Variants in DMD observed in about 807,000 individuals in gnomAD.
DMD encodes the protein dystrophin.
A neutral mutation model predicts 330.1 loss-of-function variants in DMD; 63 were observed. The ratio of observed to expected loss-of-function variants is 0.19; its 90% CI spans 0.16 to 0.24. DMD has a LOEUF of 0.24. Among genes scored for constraint, DMD ranks in the 10% least tolerant of loss-of-function variants. DMD has a pLI of 1.00. For synonymous variants in DMD, 1,223 were observed against 959.8 expected (o/e 1.27, Z -5.07); for missense variants, 3,344 against 2,684.1 (o/e 1.25, Z -5.43).
intron 1 of DMD, among the ~76,000 whole-genome samples, chrX:33,094,226 T>G (rs2095124240): frequency 8.9e-6 from 1 of 111,773 alleles, no homozygotes; most frequent in Non-Finnish European, 1.9e-5. Context: ...CTTCATTCAT[T>G]CAACAACACT....
At chrX:31,762,547 G>A (rs753507210) in intron 51 of DMD, among the ~76,000 whole-genome samples, 2 of 111,427 alleles carry the variant, frequency 1.8e-5, no homozygotes, top group African/African-American at 3.3e-5. Context: ...CCAGCCTGGC[G>A]ACAGAGACTC....
chrX:31,752,080 C>T (rs896702534), intron 51 of DMD, among the ~76,000 whole-genome samples: 1 of 111,758 alleles, frequency 8.9e-6, no homozygotes, highest in East Asian at 2.8e-4. Flanking sequence ...CTCCTTCTCT[C>T]TTAGGAGGAC....
At chrX:32,483,883 T>C (rs768163771) in intron 21 of DMD, among the ~76,000 whole-genome samples, 5 of 108,040 alleles carry the variant, frequency 4.6e-5, no homozygotes, top group Non-Finnish European at 9.6e-5. Flanking sequence ...TTCATTTTTG[T>C]AAAAAATGAA....
intron 43 of DMD, among the ~76,000 whole-genome samples, chrX:32,256,967 T>G (rs1176227046): frequency 9.0e-6 from 1 of 111,051 alleles, no homozygotes; most frequent in Non-Finnish European, 1.9e-5. Context: ...TTCAGCCAAG[T>G]CTCAGAATAC....
At chrX:32,523,224 G>T (rs998183582) in intron 17 of DMD, among the ~76,000 whole-genome samples, 5 of 110,924 alleles carry the variant, frequency 4.5e-5, no homozygotes, top group Admixed American at 2.9e-4. Context: ...ACACTGGAAG[G>T]CCTCAAAAGC....
At chrX:33,118,562 G>A (rs5928180) in intron 1 of DMD, among the ~76,000 whole-genome samples, 46,671 of 110,811 alleles carry the variant, frequency 0.42, 8,021 homozygotes, top group Non-Finnish European at 0.53. Context: ...GAAAAGAAAC[G>A]TTCATCTGAA....
intron 2 of DMD, among the ~76,000 whole-genome samples, chrX:32,857,362 C>T (rs934040882): frequency 8.9e-6 from 1 of 111,904 alleles, no homozygotes; most frequent in African/African-American, 3.2e-5. Context: ...ATAGTGCTGC[C>T]AAGAACTTCA....
At chrX:32,794,745 G>C (rs1192892273) in intron 7 of DMD, among the ~76,000 whole-genome samples, 1 of 112,205 alleles carries the variant, frequency 8.9e-6, no homozygotes, top group Non-Finnish European at 1.9e-5. Context: ...ACTGCTCTTT[G>C]TTAATAACTT....
chrX:32,821,475 C>G (rs974267705), intron 5 of DMD, among the ~76,000 whole-genome samples: 13 of 108,870 alleles, frequency 1.2e-4, no homozygotes, highest in Non-Finnish European at 2.5e-4. Context: ...GTAGTCCCAG[C>G]TACTCGGGAG....
chrX:31,625,162 T>C (rs2078771011), intron 55 of DMD, among the ~76,000 whole-genome samples: 1 of 112,268 alleles, frequency 8.9e-6, no homozygotes, highest in African/African-American at 3.2e-5. Flanking sequence ...AGTTTAAACC[T>C]TGGGCAAGTG....
intron 44 of DMD, among the ~76,000 whole-genome samples, chrX:32,038,001 G>A (rs369436522): frequency 7.4e-4 from 83 of 111,554 alleles, no homozygotes; most frequent in African/African-American, 2.6e-3. Context: ...AGAACTGACC[G>A]GACTGTGGCA....
intron 2 of DMD, among the ~76,000 whole-genome samples, chrX:32,857,031 C>T (rs1330287573): frequency 9.3e-6 from 1 of 107,514 alleles, no homozygotes; most frequent in African/African-American, 3.4e-5. Context: ...GCCCAGATAG[C>T]ATCACTGCAC....
intron 7 of DMD, among the ~76,000 whole-genome samples, chrX:32,739,765 A>T (rs889180225): frequency 9.0e-6 from 1 of 110,835 alleles, no homozygotes; most frequent in African/African-American, 3.3e-5. Flanking sequence ...AGCAGTTCTC[A>T]TAGTGTGGTT....
chrX:32,859,885 C>T (rs2081945322), intron 2 of DMD, among the ~76,000 whole-genome samples: 1 of 111,368 alleles, frequency 9.0e-6, no homozygotes, highest in African/African-American at 3.3e-5. Flanking sequence ...GTGAAGCACA[C>T]AAAACATGAA....
Position 31,522,363 on chromosome X carries a change from C to CTCTCTCTCTATATATATA in DMD, c.8218-14911_8218-14910insTATATATATAGAGAGAGA. 1.1e-3 allele frequency among the ~76,000 whole-genome samples: 39 copies of CTCTCTCTCTATATATATA among 35,958 alleles called. 1 individual carries two copies. The highest frequency in any genetic ancestry group is 1.8e-3 in the South Asian group (1 of 568). The allele number at this position is 35,958 out of a possible 115,157, so 31.2% of individuals were successfully genotyped here. Reference sequence around the variant, plus strand: ...TCTCTCTCTCTCTCTCTCTCTCTCTCTATATATATATATATATATATATAG... The same window carrying CTCTCTCTCTATATATATA: ...TCTCTCTCTCTCTCTCTCTCTCTCTCTCTCTCTCTATATATATATATATATATATATATATATATATAG... On this transcript the variant is annotated intron_variant, in intron 55 of 78. Coordinates refer to ENST00000357033, the MANE Select transcript of DMD (RefSeq NM_004006.3).
intron 2 of DMD, among the ~76,000 whole-genome samples, chrX:32,918,094 G>A (rs1013585964): frequency 1.8e-5 from 2 of 110,870 alleles, no homozygotes; most frequent in Non-Finnish European, 3.8e-5. Flanking sequence ...TCGACCTATT[G>A]TGCTGAAGTC....
At chrX:32,162,084 G>T (rs1261343920) in intron 44 of DMD, among the ~76,000 whole-genome samples, 3 of 111,546 alleles carry the variant, frequency 2.7e-5, no homozygotes, top group Non-Finnish European at 5.6e-5. Flanking sequence ...AAACCTAGAT[G>T]ACGGGTTGAT....
chrX:31,600,456 T>G (rs1157087739), intron 55 of DMD, among the ~76,000 whole-genome samples: 1 of 109,643 alleles, frequency 9.1e-6, no homozygotes, highest in Non-Finnish European at 1.9e-5. Context: ...ACTATATTTA[T>G]CTGGATTCTT....
At chrX:31,140,706 G>T (rs1002606694) in intron 76 of DMD, among the ~76,000 whole-genome samples, 17 of 112,087 alleles carry the variant, frequency 1.5e-4, no homozygotes, top group African/African-American at 5.5e-4. Context: ...CTAAACGTGT[G>T]GGCTGTTCCA....
Sources: allele counts gnomAD v4.1 joint callset (sites outside exome capture counted in the v4.1 genomes callset), GRCh38; gene constraint gnomAD v4.1.1; transcripts MANE v1.5; gene names NCBI Gene and HGNC (gene_info 2026-07-23, HGNC 2026-07-21).